MCF2L: variants seen among roughly 807,000 people sequenced by gnomAD.
MCF2L encodes the protein guanine nucleotide exchange factor DBS.
A neutral mutation model predicts 153.4 loss-of-function variants in MCF2L; 97 were observed. The observed-to-expected ratio is 0.63, with a 90% CI of 0.54 to 0.75. The LOEUF is 0.75. Among genes scored for constraint, MCF2L ranks in the 30% least tolerant of loss-of-function variants. The pLI, the probability that MCF2L is intolerant of heterozygous loss-of-function variation, is 0.00. For synonymous variants in MCF2L, 659 were observed against 632.2 expected (o/e 1.04, Z -0.64); for missense variants, 1,347 against 1,495.2 (o/e 0.90, Z 1.64).
intron 27 of MCF2L, chr13:113,096,082 T>G (rs1566892103): frequency 1.3e-5 from 7 of 525,850 alleles, no homozygotes; most frequent in Admixed American, 3.6e-5. Context: ...GGGAGGCGGG[T>G]ATGCAGGCGC....
chr13:113,014,102 C>T (rs1353810830), intron 1 of MCF2L, among the ~76,000 whole-genome samples: 1 of 152,156 alleles, frequency 6.6e-6, no homozygotes, highest in East Asian at 1.9e-4. Context: ...GCCCCATGCT[C>T]CCCCCGTGCT....
At chr13:112,972,764 G>GT (rs1247528148) in intron 1 of MCF2L, among the ~76,000 whole-genome samples, 1 of 135,954 alleles carries the variant, frequency 7.4e-6, no homozygotes, top group Non-Finnish European at 1.6e-5. Context: ...TGGATGGAGG[G>GT]AGGGAGGGAT....
chr13:112,978,134 G>A (rs1566679885), intron 1 of MCF2L, among the ~76,000 whole-genome samples: 1 of 152,176 alleles, frequency 6.6e-6, no homozygotes, highest in Non-Finnish European at 1.5e-5. Context: ...CGCGAAATGC[G>A]CCATCTGTTT....
At chr13:113,076,183 TGCAGCTTGCTGTCCCGA>T in intron 12 of MCF2L, 26 bp downstream of exon 12, 2 of 1,587,562 alleles carry the variant, frequency 1.3e-6, no homozygotes, top group South Asian at 2.3e-5. Context: ...GCTCTCCATT[TGCAGCTTGCTGTCCCGA>T]GCAGTGAGGC....
At chr13:112,997,493 C>T (rs1456360527) in intron 1 of MCF2L, among the ~76,000 whole-genome samples, 1 of 152,198 alleles carries the variant, frequency 6.6e-6, no homozygotes, top group Admixed American at 6.5e-5. Flanking sequence ...GTCCACTGTC[C>T]CTTCAGCCCC....
chr13:112,959,819 G>A (rs182901020), intron 2 of MCF2L, among the ~76,000 whole-genome samples: 6 of 152,186 alleles, frequency 3.9e-5, no homozygotes, highest in Admixed American at 2.0e-4. Flanking sequence ...CAGCAGCAAC[G>A]CACCGGTGCT....
chr13:113,005,457 T>C (rs909914078), intron 1 of MCF2L, among the ~76,000 whole-genome samples: 4 of 152,138 alleles, frequency 2.6e-5, no homozygotes, highest in Non-Finnish European at 5.9e-5. Context: ...GGTGACTGAC[T>C]GTGGTCTGTT....
At chr13:113,001,555 T>C (rs2083377101) in intron 1 of MCF2L, 1 of 359,000 alleles carries the variant, frequency 2.8e-6, no homozygotes, top group East Asian at 7.2e-5. Flanking sequence ...TGCCACTCAG[T>C]GGATGGGACT....
intron 3 of MCF2L, chr13:113,026,744 A>G (rs2085335746): frequency 3.3e-6 from 2 of 598,184 alleles, no homozygotes; most frequent in Non-Finnish European, 5.9e-6. Context: ...AACTGACCCC[A>G]GAGGTACCAG....
chr13:112,969,481 A>C lies in MCF2L; in HGVS notation c.79+23A>C. 1 of 1,550,126 alleles carries C rather than the reference A, an allele frequency of 6.5e-7. No homozygotes were observed. The highest frequency in any genetic ancestry group is 8.7e-7 in the Non-Finnish European group (1 of 1,146,678). On this transcript the variant is annotated intron_variant, in intron 1 of 29. Coordinates refer to ENST00000535094, the MANE Select transcript of MCF2L (RefSeq NM_001112732.3). This position sits in a 1 kb window ranked among gnomAD's most constrained non-coding sequence, Gnocchi z 4.8. ...CGGGTAGGAGGAGCTGCTGGCCGTC[A>C]GTGATCTGTGCTTAAGCTTGACATC...
chr13:112,975,163 G>C (rs79906547), intron 1 of MCF2L, among the ~76,000 whole-genome samples: 1,570 of 152,254 alleles, frequency 0.01, 35 homozygotes, highest in African/African-American at 0.036. Flanking sequence ...ACGCCTTTTG[G>C]AATGTTTACA....
In MCF2L at chr13:112,959,836, C is replaced by G. The variant is rs752331901; in HGVS notation, c.170-54927C>G. ...GCAGCAACGCACCGGTGCTGGAAAC[C>G]GAATTTAGACTATTTGGAGTGCACA... On this transcript the variant is annotated intron_variant, in intron 2 of 29. Transcript: ENST00000375608. 9.8e-5 allele frequency among the ~76,000 whole-genome samples: 15 copies of G among 152,288 alleles called. No homozygotes were observed. In the East Asian group the frequency reaches 2.9e-3, roughly 29 times the overall value.
intron 17 of MCF2L, among the ~76,000 whole-genome samples, chr13:113,083,037 C>T (rs2034299873): frequency 6.6e-6 from 1 of 152,198 alleles, no homozygotes; most frequent in South Asian, 2.1e-4. Context: ...GTCCCCCGAG[C>T]GACCCGTGGC....
intron 2 of MCF2L, among the ~76,000 whole-genome samples, chr13:112,912,872 T>A (rs1235361231): frequency 6.7e-6 from 1 of 148,264 alleles, no homozygotes; most frequent in Non-Finnish European, 1.5e-5. Context: ...ATGGGGTGTG[T>A]CTGTGTGTGA....
chr13:113,007,308 GC>G (rs1298975385), intron 1 of MCF2L, among the ~76,000 whole-genome samples: 1 of 152,124 alleles, frequency 6.6e-6, no homozygotes, highest in African/African-American at 2.4e-5. Flanking sequence ...GCAGGCAAGT[GC>G]CCCCCTGCAT....
chr13:113,003,662 G>A (rs1380359506), intron 1 of MCF2L, among the ~76,000 whole-genome samples: 1 of 152,212 alleles, frequency 6.6e-6, no homozygotes, highest in Non-Finnish European at 1.5e-5. Flanking sequence ...AGCCCTGACG[G>A]TTCCGTGATC....
intron 2 of MCF2L, among the ~76,000 whole-genome samples, chr13:112,912,843 G>A (rs561305887): frequency 1.2e-4 from 18 of 151,672 alleles, no homozygotes; most frequent in African/African-American, 4.1e-4. Context: ...GTGTGTGTCT[G>A]TAGTGTATCT....
intron 2 of MCF2L, among the ~76,000 whole-genome samples, chr13:113,021,712 C>T (rs2084896092): frequency 6.6e-6 from 1 of 152,234 alleles, no homozygotes; most frequent in African/African-American, 2.4e-5. Context: ...GGCTGTGCCC[C>T]CAGCTCCGCG....
At chr13:113,032,180 G>A (rs1285754239) in intron 3 of MCF2L, among the ~76,000 whole-genome samples, 5 of 152,170 alleles carry the variant, frequency 3.3e-5, no homozygotes, top group African/African-American at 7.2e-5. Flanking sequence ...GTCCCCCTGC[G>A]GTGACCTGAG....
Sources: gnomAD v4.1 joint callset for allele counts (sites outside exome capture counted in the v4.1 genomes callset) on GRCh38, gnomAD v4.1.1 for gene constraint, Gnocchi (gnomAD v3.1) non-coding constraint, MANE v1.5 for transcripts, NCBI Gene and HGNC (gene_info 2026-07-23, HGNC 2026-07-21) for gene names.